The following MACROH2A1 variants were observed in gnomAD, a reference collection of about 807,000 sequenced individuals.
The protein encoded by MACROH2A1 is core histone macro-H2A.1.
Under a neutral mutation model 31.6 loss-of-function variants are expected in MACROH2A1, and 2 were observed. The observed-to-expected ratio is 0.06, with a 90% CI of 0.03 to 0.20. MACROH2A1 has a LOEUF of 0.20. Ranked by LOEUF, MACROH2A1 falls within the 10% of genes least tolerant of loss-of-function variation. The probability of loss-of-function intolerance (pLI) is 1.00; values close to 1 mark genes in which losing one functional copy is unlikely to be tolerated. For synonymous variants in MACROH2A1, 169 were observed against 189.6 expected (o/e 0.89, Z 0.89); for missense variants, 230 against 474.0 (o/e 0.49, Z 4.78).
chr5:135,382,394 G>C (rs1253133840), intron 2 of MACROH2A1, among the ~76,000 whole-genome samples: 19 of 152,186 alleles, frequency 1.2e-4, no homozygotes, highest in Non-Finnish European at 5.9e-5. Flanking sequence ...TTATCTTCAA[G>C]ATAGCAATGA....
chr5:135,345,777 A>T, intron 7 of MACROH2A1, 191 bp downstream of exon 7: 2 of 553,052 alleles, frequency 3.6e-6, no homozygotes, highest in Non-Finnish European at 6.5e-6. Context: ...AAAAAATGCA[A>T]AGGTGATTTT....
intron 4 of MACROH2A1, among the ~76,000 whole-genome samples, chr5:135,366,789 T>C (rs534537289): frequency 3.4e-4 from 52 of 152,194 alleles, no homozygotes; most frequent in Non-Finnish European, 6.3e-4. Context: ...AAAAACATTA[T>C]GTAATATGCA....
At chr5:135,388,522 A>T (rs1224654322) in intron 2 of MACROH2A1, among the ~76,000 whole-genome samples, 1 of 152,230 alleles carries the variant, frequency 6.6e-6, no homozygotes, top group Non-Finnish European at 1.5e-5. Context: ...AAGCTGGCAA[A>T]CTGTTCAAAA....
chr5:135,359,973 A>C, intron 5 of MACROH2A1: 1 of 854,986 alleles, frequency 1.2e-6, no homozygotes, highest in Non-Finnish European at 1.4e-6. Flanking sequence ...GTTAAAACAA[A>C]CAAACAATTA....
chr5:135,381,188 G>T (rs942982296), intron 2 of MACROH2A1, among the ~76,000 whole-genome samples: 2 of 152,276 alleles, frequency 1.3e-5, no homozygotes, highest in East Asian at 3.9e-4. Context: ...AAATTAACTT[G>T]ATCTCTATCT....
chr5:135,394,832 T>C (rs910687720), intron 1 of MACROH2A1, among the ~76,000 whole-genome samples: 10 of 152,124 alleles, frequency 6.6e-5, no homozygotes, highest in Admixed American at 6.5e-4. Context: ...TGGCACCCGG[T>C]AGACATGCAC....
At chr5:135,337,344 G>A (rs1222293042) in intron 8 of MACROH2A1, among the ~76,000 whole-genome samples, 2 of 148,134 alleles carry the variant, frequency 1.4e-5, no homozygotes, top group Non-Finnish European at 2.9e-5. Context: ...GTATGATGCA[G>A]ACACAGTGTA....
intron 7 of MACROH2A1, 163 bp from the exon 8 acceptor site, chr5:135,343,597 G>A (rs983776141): frequency 4.1e-5 from 45 of 1,105,462 alleles, no homozygotes; most frequent in Non-Finnish European, 5.3e-5. Context: ...TGATTCCAAC[G>A]TGAGCTGGAG....
At chr5:135,393,196 C>T (rs1212309432) in intron 1 of MACROH2A1, among the ~76,000 whole-genome samples, 3 of 152,186 alleles carry the variant, frequency 2.0e-5, no homozygotes, top group Non-Finnish European at 4.4e-5. Flanking sequence ...ATCTTCAATA[C>T]ATGATTCCCA....
intron 4 of MACROH2A1, among the ~76,000 whole-genome samples, chr5:135,363,569 A>T (rs150556944): frequency 6.6e-6 from 1 of 152,314 alleles, no homozygotes; most frequent in East Asian, 1.9e-4. Context: ...TTCTTAATCC[A>T]GTCTATCATT....
At chr5:135,380,389 C>T (rs1214253383) in intron 2 of MACROH2A1, among the ~76,000 whole-genome samples, 1 of 152,182 alleles carries the variant, frequency 6.6e-6, no homozygotes, top group Non-Finnish European at 1.5e-5. Context: ...ATCAATCATT[C>T]CAAACGAATT....
At position 135,334,384 on chromosome 5, in the gene MACROH2A1, G is replaced by T; in HGVS notation, c.*592C>A. On this transcript the variant is annotated 3_prime_UTR_variant, in exon 9 of 9. Transcript: ENST00000511689. ...ACTGGAACACACCAGTCACAACAAC[G>T]GTTTAACATTTTACTAAATCAACTC... 5.3e-6 allele frequency: 1 copy of T among 189,170 alleles called. No individual in the cohort carries two copies. Among genetic ancestry groups the T allele is most frequent in the Non-Finnish European group, 1.1e-5 (1 of 89,588 alleles). The allele number at this position is 189,170 out of a possible 1,614,324, so 11.7% of individuals were successfully genotyped here. A position where few individuals can be genotyped will look rare whatever the true frequency, so the allele number is the denominator to read the frequency against.
chr5:135,359,466 C>A (rs1762569336), intron 5 of MACROH2A1: 1 of 983,548 alleles, frequency 1.0e-6, no homozygotes, highest in African/African-American at 1.8e-5. Context: ...AAAATGCATA[C>A]AAAATACAAA....
chr5:135,369,325 G>T lies in MACROH2A1; in HGVS notation c.477+81C>A. The T allele has an allele frequency of 8.9e-7, 1 of 1,122,598 alleles. No individual in the cohort carries two copies. The highest frequency in any genetic ancestry group is 1.4e-6 in the Non-Finnish European group (1 of 738,512). The allele number at this position is 1,122,598 out of a possible 1,614,324, so 69.5% of individuals were successfully genotyped here. ...CATCAGTGGGATGAGCCCACAGGGGGAATGAGGGGGGTGCCCTGGTAACCC... is the reference window on the plus strand; with the variant it reads ...CATCAGTGGGATGAGCCCACAGGGGTAATGAGGGGGGTGCCCTGGTAACCC... On this transcript the variant is annotated intron_variant, in intron 4 of 8. Transcript: ENST00000511689. The surrounding 1 kb of genome is among the most constrained non-coding windows in gnomAD (Gnocchi z 4.3).
chr5:135,363,108 G>T (rs1246737444), intron 4 of MACROH2A1, among the ~76,000 whole-genome samples: 4 of 151,994 alleles, frequency 2.6e-5, no homozygotes, highest in African/African-American at 7.3e-5. Context: ...GGTGGCTCAT[G>T]CCTGTAATCC....
At chr5:135,370,748 T>C (rs564887740) in intron 2 of MACROH2A1, among the ~76,000 whole-genome samples, 60 of 152,332 alleles carry the variant, frequency 3.9e-4, no homozygotes, top group African/African-American at 1.4e-3. Flanking sequence ...GTGAAAAAGA[T>C]GTAAAAGCCA....
chr5:135,362,319 G>A (rs1349242114), intron 4 of MACROH2A1: 3 of 152,208 alleles, frequency 2.0e-5, no homozygotes, highest in African/African-American at 4.8e-5. Flanking sequence ...GGGAAACTGG[G>A]TGAGGGATAT....
chr5:135,344,642 CT>C (rs1161595997), intron 7 of MACROH2A1: 1 of 152,184 alleles, frequency 6.6e-6, no homozygotes, highest in Non-Finnish European at 1.5e-5. Context: ...TAGAAAACGA[CT>C]GGAAAGAAAC....
At chr5:135,379,021 T>C (rs1765287443) in intron 2 of MACROH2A1, among the ~76,000 whole-genome samples, 1 of 152,212 alleles carries the variant, frequency 6.6e-6, no homozygotes, top group African/African-American at 2.4e-5. Context: ...CTCAGATTTA[T>C]AGAGGCAACA....
Sources: gnomAD v4.1 joint callset for allele counts (sites outside exome capture counted in the v4.1 genomes callset) on GRCh38, gnomAD v4.1.1 for gene constraint, Gnocchi (gnomAD v3.1) non-coding constraint, MANE v1.5 for transcripts, NCBI Gene and HGNC (gene_info 2026-07-23, HGNC 2026-07-21) for gene names.